CHD9: variants seen among roughly 807,000 people sequenced by gnomAD.
CHD9 encodes ATP-dependent chromatin remodeler CHD9.
A neutral mutation model predicts 316.1 loss-of-function variants in CHD9; 77 were observed. The ratio of observed to expected loss-of-function variants is 0.24; its 90% CI spans 0.20 to 0.29. The LOEUF is 0.29. Ranked by LOEUF, CHD9 falls within the 10% of genes least tolerant of loss-of-function variation. The pLI is 1.00. For synonymous variants in CHD9, 1,129 were observed against 1,158.3 expected (o/e 0.97, Z 0.51); for missense variants, 2,763 against 3,438.1 (o/e 0.80, Z 4.91).
chr16:53,309,147 A>G (rs1025900652), intron 34 of CHD9, among the ~76,000 whole-genome samples: 16 of 152,186 alleles, frequency 1.1e-4, no homozygotes, highest in African/African-American at 3.9e-4. Flanking sequence ...CAGTATCACA[A>G]ATTAATGGTG....
At position 53,231,447 on chromosome 16, in the gene CHD9, A is replaced by G. The variant is rs759676826; in HGVS notation, c.2315A>G (p.Tyr772Cys). 2 of 1,599,432 alleles carry G rather than the reference A, an allele frequency of 1.3e-6. No homozygotes were observed. Among genetic ancestry groups the G allele is most frequent in the Non-Finnish European group, 1.7e-6 (2 of 1,168,198 alleles). ...DMEEEPFNPDYVEVDRVLEVS... is the reference protein window; with the variant it reads ...DMEEEPFNPDCVEVDRVLEVS... The stretch of plus-strand genomic sequence containing the variant: ...GAAGAAGAACCATTTAACCCAGACT[A>G]CGTTGAAGTAGACAGAGTATTAGAA... Residue 772 changes from tyrosine to cysteine, a missense_variant, in exon 9 of 39, where the codon TAC (tyrosine) becomes TGC (cysteine). Coordinates refer to ENST00000447540, the MANE Select transcript of CHD9 (RefSeq NM_001308319.2).
Position 53,228,653 on chromosome 16 carries a change from T to G in CHD9, c.2169-330T>G, listed in dbSNP as rs577847211. ...AGCTCGAAAGCGTTTTAAATCACAT[T>G]AGTTTCAAAACAAGTTAGCTTTCTG... is the stretch of plus-strand genomic sequence containing the variant. On this transcript the variant is annotated intron_variant, in intron 7 of 38. Coordinates refer to ENST00000447540, the MANE Select transcript of CHD9 (RefSeq NM_001308319.2). 6.1e-4 allele frequency among the ~76,000 whole-genome samples: 93 copies of G among 151,226 alleles called. 1 individual carries two copies. Among genetic ancestry groups the G allele is most frequent in the Middle Eastern group, 3.4e-3 (1 of 294 alleles).
At chr16:53,274,773 T>A (rs564400404) in intron 24 of CHD9, among the ~76,000 whole-genome samples, 30 of 152,126 alleles carry the variant, frequency 2.0e-4, no homozygotes, top group African/African-American at 7.2e-4. Flanking sequence ...TTTTTATTTT[T>A]CAATAACATG....
In CHD9 at chr16:53,242,900, C is replaced by T. The variant is rs1437676492; in HGVS notation, c.2938C>T (p.Leu980Phe). The change falls in exon 13 of 39, where the codon CTT becomes TTT. Residue 980 changes from leucine to phenylalanine, a missense_variant. Around this residue, in one of 15 missense-constraint regions of CHD9, gnomAD observed 155 missense variants for 291.8 expected, o/e 0.53. Transcript: ENST00000447540. ...QAIITTFEMI[L>F]GGCGELNAIE... The stretch of plus-strand genomic sequence containing the variant: ...CATCATCACCACTTTTGAAATGATT[C>T]TTGGAGGCTGTGGAGAGCTTAATGC... The T allele has an allele frequency of 6.2e-7, 1 of 1,613,368 alleles. No individual in the cohort carries two copies. Among genetic ancestry groups the T allele is most frequent in the Non-Finnish European group, 8.5e-7 (1 of 1,179,548 alleles).
chr16:53,212,265 C>T (rs1446683363), intron 3 of CHD9, among the ~76,000 whole-genome samples: 1 of 151,834 alleles, frequency 6.6e-6, no homozygotes, highest in Non-Finnish European at 1.5e-5. Flanking sequence ...ATTAGCCAGG[C>T]GTGGTGGTGG....
chr16:53,131,893 CG>C (rs1235020049), intron 1 of CHD9, among the ~76,000 whole-genome samples: 2 of 152,096 alleles, frequency 1.3e-5, no homozygotes, highest in African/African-American at 4.8e-5. Flanking sequence ...CAGCGTGGCC[CG>C]GACCCCGCCA....
At chr16:53,160,619 A>G (rs1284455638) in intron 2 of CHD9, among the ~76,000 whole-genome samples, 2 of 152,046 alleles carry the variant, frequency 1.3e-5, no homozygotes, top group African/African-American at 2.4e-5. Flanking sequence ...CTGAAAGTCT[A>G]TTCTCGGCCA....
intron 22 of CHD9, among the ~76,000 whole-genome samples, chr16:53,269,457 A>G (rs2052016272): frequency 6.6e-6 from 1 of 152,200 alleles, no homozygotes; most frequent in Non-Finnish European, 1.5e-5. Flanking sequence ...CATAGTAAGA[A>G]TGTACATTAG....
intron 1 of CHD9, among the ~76,000 whole-genome samples, chr16:53,114,148 A>T (rs16952021): frequency 6.6e-6 from 1 of 152,068 alleles, no homozygotes; most frequent in African/African-American, 2.4e-5. Flanking sequence ...TTGCCATAAC[A>T]AAAACATATG....
At chr16:53,321,373 G>A (rs1002737927) in intron 37 of CHD9, 153 bp from the exon 38 acceptor site, 2 of 983,350 alleles carry the variant, frequency 2.0e-6, no homozygotes, top group Non-Finnish European at 2.4e-6. Flanking sequence ...ATAGGGTCAC[G>A]GTGGGCCTTT....
intron 1 of CHD9, among the ~76,000 whole-genome samples, chr16:53,147,527 C>T (rs923417389): frequency 6.6e-6 from 1 of 152,144 alleles, no homozygotes; most frequent in Admixed American, 6.5e-5. Flanking sequence ...TTCCCCTAGC[C>T]CCAATAACCT....
chr16:53,286,940 G>A (rs1443166189), intron 26 of CHD9, among the ~76,000 whole-genome samples: 1 of 151,858 alleles, frequency 6.6e-6, no homozygotes, highest in Non-Finnish European at 1.5e-5. Flanking sequence ...GTCTGTACAT[G>A]TTCAGTACAG....
intron 2 of CHD9, among the ~76,000 whole-genome samples, chr16:53,190,506 ATATAACT>A (rs1233753841): frequency 6.6e-6 from 1 of 152,142 alleles, no homozygotes; most frequent in Non-Finnish European, 1.5e-5. Flanking sequence ...ATTTCCTGGA[ATATAACT>A]TACGAAATTT....
At chr16:53,314,146 G>C (rs2056699372) in intron 34 of CHD9, among the ~76,000 whole-genome samples, 1 of 151,874 alleles carries the variant, frequency 6.6e-6, no homozygotes, top group South Asian at 2.1e-4. Flanking sequence ...GAAAATGTGT[G>C]AATATCGGGA....
intron 4 of CHD9, among the ~76,000 whole-genome samples, chr16:53,225,866 A>G (rs62049764): frequency 0.28 from 42,274 of 151,890 alleles, 5,968 homozygotes; most frequent in Middle Eastern, 0.31. Context: ...AATTAATTCT[A>G]TACCCAATAT....
Position 53,304,097 on chromosome 16 carries a change from C to G in CHD9, c.6091C>G (p.Leu2031Val), listed in dbSNP as rs1266767624. 2 of 1,613,970 alleles carry G rather than the reference C, an allele frequency of 1.2e-6. No individual in the cohort carries two copies. Among genetic ancestry groups the G allele is most frequent in the East Asian group, 2.2e-5 (1 of 44,888 alleles). The change falls in exon 31 of 39, where the codon CTA becomes GTA. Residue 2031 changes from leucine (L) to valine (V), a missense_variant. By Grantham distance (32) the Leu-to-Val change is conservative. Coordinates refer to ENST00000447540, the MANE Select transcript of CHD9 (RefSeq NM_001308319.2). The stretch of plus-strand genomic sequence containing the variant: ...ACTTTCTGCTTCTCCTCTTACCTCT[C>G]TACCTAGGCTCCTAGATGCTAAAGG... ...VALSASPLTS[L>V]PRLLDAKGII...
intron 1 of CHD9, among the ~76,000 whole-genome samples, chr16:53,072,689 T>G (rs1414396276): frequency 1.3e-5 from 2 of 150,296 alleles, no homozygotes; most frequent in Admixed American, 1.3e-4. Flanking sequence ...AACTTTTTAT[T>G]TTTTTATTTT....
intron 1 of CHD9, among the ~76,000 whole-genome samples, chr16:53,081,377 G>C (rs1000743548): frequency 5.9e-5 from 9 of 152,266 alleles, no homozygotes; most frequent in African/African-American, 1.9e-4. Context: ...GGTGGTAGCT[G>C]GCAAAGACTA....
intron 30 of CHD9, among the ~76,000 whole-genome samples, 188 bp from the exon 31 acceptor site, chr16:53,303,524 GAAATTTCA>G (rs2055646334): frequency 1.3e-5 from 2 of 151,882 alleles, no homozygotes; most frequent in Admixed American, 6.6e-5. Flanking sequence ...AGCTTTTACT[GAAATTTCA>G]AAATTTCAAA....
Sources: allele counts gnomAD v4.1 joint callset (sites outside exome capture counted in the v4.1 genomes callset), GRCh38; gene constraint gnomAD v4.1.1; regional missense constraint gnomAD v4.1.1; transcripts MANE v1.5; gene names NCBI Gene and HGNC (gene_info 2026-07-23, HGNC 2026-07-21).